Variants in ANXA10 observed in about 807,000 individuals in gnomAD.
ANXA10 encodes the protein annexin 14.
ANXA10 carries 49 observed loss-of-function variants against 53.5 expected under a neutral mutation model. The observed-to-expected ratio is 0.92, with a 90% confidence interval of 0.73 to 1.16. ANXA10 has a LOEUF of 1.16. Ranked by LOEUF, ANXA10 falls within the 50% of genes most tolerant of loss-of-function variation. The probability of loss-of-function intolerance (pLI) is 0.00; values close to 1 mark genes in which losing one functional copy is unlikely to be tolerated. For synonymous variants in ANXA10, 131 were observed against 128.9 expected, an observed-to-expected ratio of 1.02 and a Z score of -0.11; for missense variants, 393 against 394.4, an observed-to-expected ratio of 1.00 and a Z score of 0.03.
intron 2 of ANXA10, among the ~76,000 whole-genome samples, chr4:168,138,081 C>A (rs753777995): frequency 6.6e-6 from 1 of 151,842 alleles, no homozygotes; most frequent in Non-Finnish European, 1.5e-5. Context: ...CCTGCCTCAG[C>A]CTACTGAGTA....
chr4:168,150,779 A>G (rs1004264088), intron 3 of ANXA10, among the ~76,000 whole-genome samples: 1 of 152,150 alleles, frequency 6.6e-6, no homozygotes, highest in African/African-American at 2.4e-5. Flanking sequence ...CCCTCACTGC[A>G]CATCCTCCAT....
intron 3 of ANXA10, among the ~76,000 whole-genome samples, chr4:168,156,092 T>A (rs1185024144): frequency 1.6e-4 from 4 of 25,308 alleles, no homozygotes; most frequent in East Asian, 2.6e-3. Context: ...TATATAATAT[T>A]TATTATATAT....
intron 1 of ANXA10, among the ~76,000 whole-genome samples, chr4:168,114,479 C>T (rs1730858888): frequency 6.6e-6 from 1 of 152,190 alleles, no homozygotes; most frequent in Non-Finnish European, 1.5e-5. Context: ...AAGGAACATG[C>T]AGCCAGCACA....
chr4:168,175,406 T>C (rs1732107514), intron 6 of ANXA10, among the ~76,000 whole-genome samples: 2 of 152,222 alleles, frequency 1.3e-5, no homozygotes, highest in African/African-American at 4.8e-5. Context: ...GAACATATTG[T>C]GTAAAAATAA....
chr4:168,124,523 A>T (rs1731037876), intron 1 of ANXA10, among the ~76,000 whole-genome samples: 1 of 152,226 alleles, frequency 6.6e-6, no homozygotes, highest in Non-Finnish European at 1.5e-5. Flanking sequence ...TCTGAGTCAC[A>T]GGAATATGTT....
At chr4:168,153,459 CA>C (rs200411170) in intron 3 of ANXA10, among the ~76,000 whole-genome samples, 3,207 of 36,814 alleles carry the variant, frequency 0.087, 344 homozygotes, top group Admixed American at 0.3. Flanking sequence ...AAAAACAAAA[CA>C]AAAAAAAAAA....
chr4:168,104,399 C>T (rs757480267), intron 1 of ANXA10, among the ~76,000 whole-genome samples: 1 of 151,776 alleles, frequency 6.6e-6, no homozygotes, highest in Non-Finnish European at 1.5e-5. Flanking sequence ...TTAGTATAAT[C>T]TAGATTCATA....
rs1244207336 is a variant in ANXA10 at position 168,184,594 on chromosome 4, T to A, written c.819T>A (p.Ile273=). The A allele has an allele frequency of 3.1e-6, 5 of 1,613,998 alleles. No homozygotes were observed. Among genetic ancestry groups the A allele is most frequent in the Non-Finnish European group, 4.2e-6 (5 of 1,179,886 alleles). ...FGFHNKTVIR[I]LIARSEIDLL... is the part of the protein sequence containing the mutation. ...TCCATAATAAAACTGTAATCAGGAT[T>A]CTCATTGCCAGAAGTGAAATAGACC... is the stretch of plus-strand genomic sequence containing the variant. The change falls in exon 11 of 12, where the codon ATT becomes ATA. Residue 273 remains isoleucine (I), a synonymous_variant. Coordinates refer to ENST00000359299, the MANE Select transcript of ANXA10 (RefSeq NM_007193.5).
intron 2 of ANXA10, among the ~76,000 whole-genome samples, chr4:168,129,665 T>G (rs935978121): frequency 5.3e-5 from 8 of 152,150 alleles, no homozygotes; most frequent in Admixed American, 6.6e-5. Context: ...ATAACTAATG[T>G]TTTTCTTAGC....
chr4:168,097,767 C>T (rs1199725684), intron 1 of ANXA10, among the ~76,000 whole-genome samples: 1 of 152,024 alleles, frequency 6.6e-6, no homozygotes, highest in African/African-American at 2.4e-5. Flanking sequence ...CCTCTTGAAA[C>T]ATGTATTTCA....
chr4:168,155,247 G>T (rs978152099), intron 3 of ANXA10, among the ~76,000 whole-genome samples: 1 of 144,100 alleles, frequency 6.9e-6, no homozygotes, highest in Non-Finnish European at 1.5e-5. Flanking sequence ...TTATACATTC[G>T]TACAATTCTG....
At chr4:168,131,643 A>AT (rs1731158332) in intron 2 of ANXA10, among the ~76,000 whole-genome samples, 1 of 151,750 alleles carries the variant, frequency 6.6e-6, no homozygotes, top group Non-Finnish European at 1.5e-5. Context: ...CAATTCTATT[A>AT]TTTTTTTCCT....
In ANXA10 at chr4:168,126,479, C is replaced by T. The variant is rs1731071480; in HGVS notation, c.19-1605C>T. Among the ~76,000 whole-genome samples, 3 of 152,226 alleles carry T rather than the reference C, an allele frequency of 2.0e-5. No individual in the cohort carries two copies. In the South Asian group the frequency reaches 6.2e-4, roughly 32 times the overall value. On this transcript the variant is annotated intron_variant, in intron 1 of 11. Transcript: ENST00000359299. The stretch of plus-strand genomic sequence containing the variant: ...TTGTATCACTCTCTTACTTAGTAAC[C>T]TTGTGGCTACCACCTCCAACTCTAT...
intron 10 of ANXA10, among the ~76,000 whole-genome samples, chr4:168,182,064 A>C (rs1345224924): frequency 6.6e-6 from 1 of 152,168 alleles, no homozygotes; most frequent in East Asian, 1.9e-4. Context: ...CATCAGACTT[A>C]TGCAAGTACA....
intron 6 of ANXA10, among the ~76,000 whole-genome samples, chr4:168,167,761 A>T (rs1731906796): frequency 6.6e-6 from 1 of 152,182 alleles, no homozygotes; most frequent in Admixed American, 6.5e-5. Context: ...CTCCGGTATG[A>T]CTTTCTTTGC....
intron 1 of ANXA10, among the ~76,000 whole-genome samples, chr4:168,120,725 T>C (rs979822601): frequency 6.6e-6 from 1 of 152,134 alleles, no homozygotes; most frequent in African/African-American, 2.4e-5. Flanking sequence ...AAAAATTGTT[T>C]ATAAGATATA....
chr4:168,092,784 T>G, intron 1 of ANXA10, 66 bp downstream of exon 1: 1 of 1,409,276 alleles, frequency 7.1e-7, no homozygotes, highest in Non-Finnish European at 9.6e-7. Flanking sequence ...AAAATTTCAT[T>G]TGTGTTTTTT....
chr4:168,121,808 T>C (rs1482559328), intron 1 of ANXA10, among the ~76,000 whole-genome samples: 1 of 152,064 alleles, frequency 6.6e-6, no homozygotes, highest in African/African-American at 2.4e-5. Flanking sequence ...TCAGCTTTTT[T>C]GTTTGTTTGG....
chr4:168,178,839 C>T (rs1027602770), intron 8 of ANXA10, among the ~76,000 whole-genome samples: 3 of 152,156 alleles, frequency 2.0e-5, no homozygotes, highest in Non-Finnish European at 2.9e-5. Flanking sequence ...ACACTTAATT[C>T]TCATATTTAA....
Sources: allele counts gnomAD v4.1 joint callset (sites outside exome capture counted in the v4.1 genomes callset), GRCh38; gene constraint gnomAD v4.1.1; transcripts MANE v1.5; gene names NCBI Gene and HGNC (gene_info 2026-07-23, HGNC 2026-07-21).